The following RFX8 variants were observed in gnomAD, a reference collection of about 807,000 sequenced individuals.
RFX8 encodes the protein DNA-binding protein RFX8.
RFX8 carries 46 observed loss-of-function variants against 54.6 expected under a neutral mutation model. The ratio of observed to expected loss-of-function variants is 0.84; its 90% CI spans 0.67 to 1.08. The LOEUF is 1.08. Among genes scored for constraint, RFX8 ranks in the 50% least tolerant of loss-of-function variants. The probability of loss-of-function intolerance (pLI) is 0.00; values close to 1 mark genes in which losing one functional copy is unlikely to be tolerated. For missense variants in RFX8, 536 were observed against 562.3 expected (o/e 0.95, Z 0.47); for synonymous variants, 192 against 209.5 (o/e 0.92, Z 0.72).
chr2:101,463,770 G>C (rs905558081), intron 2 of RFX8, among the ~76,000 whole-genome samples: 4 of 152,154 alleles, frequency 2.6e-5, no homozygotes, highest in Non-Finnish European at 4.4e-5. Context: ...CTCCCTCCCA[G>C]AGGGGTCAGG....
chr2:101,410,245 T>C (rs1394141315), intron 9 of RFX8, among the ~76,000 whole-genome samples: 1 of 151,516 alleles, frequency 6.6e-6, no homozygotes, highest in African/African-American at 2.4e-5. Flanking sequence ...ACATACATAC[T>C]GCACACGCTC....
intron 2 of RFX8, among the ~76,000 whole-genome samples, chr2:101,447,447 G>A (rs773924015): frequency 6.6e-5 from 10 of 152,140 alleles, no homozygotes; most frequent in Admixed American, 6.5e-5. Flanking sequence ...ATCATGGTGC[G>A]GGCAGATTTG....
intron 4 of RFX8, among the ~76,000 whole-genome samples, chr2:101,420,552 C>CA (rs768665716): frequency 1.3e-4 from 19 of 149,920 alleles, no homozygotes; most frequent in South Asian, 2.1e-4. Context: ...CACACACACA[C>CA]ACAAAAAAGA....
chr2:101,416,507 T>A (rs1686520686), intron 6 of RFX8, among the ~76,000 whole-genome samples: 1 of 152,106 alleles, frequency 6.6e-6, no homozygotes, highest in Non-Finnish European at 1.5e-5. Flanking sequence ...AAGTCCCCTA[T>A]CTGCACTACC....
chr2:101,457,681 T>A (rs1689053106), intron 2 of RFX8, among the ~76,000 whole-genome samples: 1 of 152,210 alleles, frequency 6.6e-6, no homozygotes, highest in African/African-American at 2.4e-5. Context: ...GAATGTATAT[T>A]CTGTTGATTT....
At position 101,422,614 on chromosome 2, in the gene RFX8, G is replaced by T. The variant is rs185956002; in HGVS notation, c.73-142C>A. 202 of 575,512 alleles carry T rather than the reference G, an allele frequency of 3.5e-4. 2 individuals are homozygous for T. The highest frequency in any genetic ancestry group is 3.5e-3 in the African/African-American group (184 of 52,956). The allele number at this position is 575,512 out of a possible 1,614,324, so 35.7% of individuals were successfully genotyped here. ...ACCTCTGCACACATTACTGATTCCA[G>T]CAGCTTTCCTCTCATATTGTATTCC... On this transcript the variant is annotated intron_variant, in intron 2 of 11. Transcript: ENST00000428343.
intron 2 of RFX8, among the ~76,000 whole-genome samples, chr2:101,446,960 C>T (rs1688419940): frequency 6.6e-6 from 1 of 152,194 alleles, no homozygotes; most frequent in African/African-American, 2.4e-5. Context: ...TTCCTAGCTT[C>T]TCTATTTTTG....
chr2:101,459,528 G>C (rs185899508), intron 2 of RFX8, among the ~76,000 whole-genome samples: 2 of 152,298 alleles, frequency 1.3e-5, no homozygotes, highest in East Asian at 1.9e-4. Flanking sequence ...CCGTTTGCCA[G>C]GGTATCACCA....
Position 101,460,366 on chromosome 2 carries a change from G to A in RFX8, c.72+6411C>T, listed in dbSNP as rs148455389. ...CTGCAGATAGGAGCTGTTCCTATTC[G>A]GCCATCTTGGAAGCCAGACCCCATT... On this transcript the variant is annotated intron_variant, in intron 2 of 11. Coordinates refer to ENST00000428343, the MANE Select transcript of RFX8 (RefSeq NM_001145664.2). Among the ~76,000 whole-genome samples the A allele has an allele frequency of 2.2e-3, 336 of 152,178 alleles. 4 individuals are homozygous for A. Among genetic ancestry groups the A allele is most frequent in the African/African-American group, 7.6e-3 (317 of 41,534 alleles).
At chr2:101,452,076 G>T (rs1244289904) in intron 2 of RFX8, among the ~76,000 whole-genome samples, 3 of 152,200 alleles carry the variant, frequency 2.0e-5, no homozygotes, top group African/African-American at 7.2e-5. Flanking sequence ...CTGGGCAACA[G>T]TTGCATTATT....
At chr2:101,413,882 A>G (rs1686318341) in intron 7 of RFX8, among the ~76,000 whole-genome samples, 1 of 152,098 alleles carries the variant, frequency 6.6e-6, no homozygotes, top group Admixed American at 6.5e-5. Flanking sequence ...AGGGCTCTGC[A>G]CTGGGAGGAT....
intron 10 of RFX8, 51 bp downstream of exon 10, chr2:101,405,892 T>G (rs1685701202): frequency 8.7e-7 from 1 of 1,154,730 alleles, no homozygotes; most frequent in East Asian, 2.6e-5. Context: ...TATGCCATAA[T>G]GACATTTTTA....
chr2:101,462,286 A>G (rs4611660), intron 2 of RFX8, among the ~76,000 whole-genome samples: 149,507 of 152,176 alleles, frequency 0.98, 73,562 homozygotes, highest in Middle Eastern at 1. Flanking sequence ...AACAAAATTA[A>G]CCAGGTGTGG....
At chr2:101,465,535 A>G (rs995620266) in intron 2 of RFX8, among the ~76,000 whole-genome samples, 55 of 152,248 alleles carry the variant, frequency 3.6e-4, no homozygotes, top group Non-Finnish European at 1.3e-4. Flanking sequence ...AAAACAAACA[A>G]ACAAAAAAAC....
chr2:101,437,623 A>G (rs1241509116), intron 2 of RFX8, among the ~76,000 whole-genome samples: 1 of 152,114 alleles, frequency 6.6e-6, no homozygotes, highest in East Asian at 1.9e-4. Flanking sequence ...AAGAGAAAAG[A>G]AAAGAAAGAA....
At chr2:101,431,946 C>G (rs901205194) in intron 2 of RFX8, among the ~76,000 whole-genome samples, 1 of 152,154 alleles carries the variant, frequency 6.6e-6, no homozygotes, top group Admixed American at 6.5e-5. Flanking sequence ...GGAATCCTCA[C>G]TGGGAGAGCT....
At chr2:101,474,142 C>T (rs1176551262) in intron 1 of RFX8, 1 of 579,100 alleles carries the variant, frequency 1.7e-6, no homozygotes. Context: ...GCGGGAACCA[C>T]GCTTCCCCTC....
At chr2:101,405,494 C>T (rs1291162825) in intron 10 of RFX8, among the ~76,000 whole-genome samples, 2 of 152,092 alleles carry the variant, frequency 1.3e-5, no homozygotes, top group Non-Finnish European at 2.9e-5. Flanking sequence ...GTGACCTTCC[C>T]CAACAGAGGA....
intron 2 of RFX8, among the ~76,000 whole-genome samples, chr2:101,439,716 AT>A (rs35253629): frequency 0.42 from 60,821 of 144,574 alleles, 14,077 homozygotes; most frequent in Middle Eastern, 0.51. Context: ...ATTTAAGTAG[AT>A]TTTTTTTTTT....
Sources: allele counts gnomAD v4.1 joint callset (sites outside exome capture counted in the v4.1 genomes callset), GRCh38; gene constraint gnomAD v4.1.1; transcripts MANE v1.5; gene names NCBI Gene and HGNC (gene_info 2026-07-23, HGNC 2026-07-21).